The following PTPN13 variants were observed in gnomAD, a reference collection of about 807,000 sequenced individuals.
PTPN13 encodes tyrosine-protein phosphatase non-receptor type 13.
Under a neutral mutation model 284.0 loss-of-function variants are expected in PTPN13, and 191 were observed. The observed-to-expected ratio is 0.67, with a 90% CI of 0.60 to 0.76. PTPN13 has a LOEUF of 0.76. Ranked by LOEUF, PTPN13 falls within the 30% of genes least tolerant of loss-of-function variation. The pLI is 0.00. For synonymous variants in PTPN13, 986 were observed against 1,022.3 expected (o/e 0.96, Z 0.68); for missense variants, 2,797 against 2,939.9 (o/e 0.95, Z 1.12).
chr4:86,636,109 G>A (rs1722987968), intron 2 of PTPN13, among the ~76,000 whole-genome samples: 1 of 152,086 alleles, frequency 6.6e-6, no homozygotes, highest in African/African-American at 2.4e-5. Context: ...ACTTGATCAT[G>A]GCACAGAAAA....
chr4:86,603,359 T>C (rs1764475902), intron 1 of PTPN13, among the ~76,000 whole-genome samples: 1 of 152,190 alleles, frequency 6.6e-6, no homozygotes, highest in African/African-American at 2.4e-5. Flanking sequence ...ATGTACATGT[T>C]CACAGTCTCA....
Position 86,716,642 on chromosome 4 carries a change from A to G in PTPN13, c.1291+17A>G. On this transcript the variant is annotated intron_variant, in intron 8 of 47. Coordinates refer to ENST00000411767, the MANE Select transcript of PTPN13 (RefSeq NM_080683.3). ...TCAGACAAGGTAGGAGGCATCTGAA[A>G]CAAGCAAACTGTTTTTAAGAAACCA... The G allele has an allele frequency of 6.8e-7, 1 of 1,468,380 alleles. No individual in the cohort carries two copies. The highest frequency in any genetic ancestry group is 1.3e-5 in the South Asian group (1 of 79,626). The allele number at this position is 1,468,380 out of a possible 1,614,324, so 91.0% of individuals were successfully genotyped here.
intron 16 of PTPN13, among the ~76,000 whole-genome samples, chr4:86,743,948 A>G (rs1251616168): frequency 6.6e-6 from 1 of 152,188 alleles, no homozygotes; most frequent in African/African-American, 2.4e-5. Context: ...TTAGTCTTAG[A>G]TCCCCGACAT....
intron 2 of PTPN13, among the ~76,000 whole-genome samples, chr4:86,669,844 C>A (rs1385079815): frequency 3.3e-5 from 5 of 152,058 alleles, no homozygotes; most frequent in Non-Finnish European, 7.4e-5. Flanking sequence ...CAGTTACACT[C>A]AAAATCATAA....
intron 40 of PTPN13, among the ~76,000 whole-genome samples, chr4:86,792,576 A>G (rs371729926): frequency 2.0e-5 from 3 of 151,314 alleles, no homozygotes; most frequent in East Asian, 1.9e-4. Context: ...CAAGGGTGCA[A>G]TGAAGGAAAA....
intron 2 of PTPN13, among the ~76,000 whole-genome samples, chr4:86,671,760 G>T (rs1273699740): frequency 3.3e-5 from 5 of 152,132 alleles, no homozygotes; most frequent in Non-Finnish European, 5.9e-5. Context: ...TATATACTTC[G>T]ACTCAAGACA....
intron 2 of PTPN13, among the ~76,000 whole-genome samples, chr4:86,642,449 C>CTTTT (rs1241682151): frequency 2.9e-4 from 8 of 27,460 alleles, no homozygotes; most frequent in African/African-American, 1.0e-3. Context: ...TCTTCTTCTT[C>CTTTT]TTTTTTTTTT....
chr4:86,745,318 A>T (rs2149184078), intron 17 of PTPN13, among the ~76,000 whole-genome samples, 190 bp downstream of exon 17: 1 of 152,228 alleles, frequency 6.6e-6, no homozygotes. Context: ...CTGAGAGAAT[A>T]CTCCTAGGGA....
chr4:86,617,342 A>AT (rs1231386427), intron 1 of PTPN13, among the ~76,000 whole-genome samples: 3 of 152,252 alleles, frequency 2.0e-5, no homozygotes, highest in East Asian at 3.9e-4. Flanking sequence ...CAACTTAATG[A>AT]TTTTTTTACT....
rs758044814 is a variant in PTPN13 at position 86,775,304 on chromosome 4, T to C, written c.5642T>C (p.Leu1881Pro). ...AGAATACCAATGTTGCCTCATTTGCTACCGGACATAACACTAACGTGCAAC... is the reference window on the plus strand; with the variant it reads ...AGAATACCAATGTTGCCTCATTTGCCACCGGACATAACACTAACGTGCAAC... The part of the protein sequence containing the change: ...LPRIPMLPHL[L>P]PDITLTCNKE... The change falls in exon 34 of 48, where the codon CTA (leucine) becomes CCA (proline). Residue 1881 changes from leucine (L) to proline (P), a missense_variant. Coordinates refer to ENST00000411767, the MANE Select transcript of PTPN13 (RefSeq NM_080683.3). 1.9e-5 allele frequency: 30 copies of C among 1,613,110 alleles called. No homozygotes were observed. The highest frequency in any genetic ancestry group is 2.4e-5 in the Non-Finnish European group (28 of 1,179,658).
At chr4:86,613,633 C>CAAAAAAAAA (rs544971012) in intron 1 of PTPN13, among the ~76,000 whole-genome samples, 3 of 61,534 alleles carry the variant, frequency 4.9e-5, no homozygotes, top group African/African-American at 1.7e-4. Context: ...GACTCCGTCT[C>CAAAAAAAAA]AAAAAAAAAA....
intron 9 of PTPN13, among the ~76,000 whole-genome samples, chr4:86,719,869 C>A (rs1335373436): frequency 1.3e-5 from 2 of 151,778 alleles, no homozygotes; most frequent in Admixed American, 6.6e-5. Context: ...GGGTATTAGA[C>A]CTTTGTCAGA....
At chr4:86,665,252 G>A (rs1448410432) in intron 2 of PTPN13, among the ~76,000 whole-genome samples, 3 of 152,034 alleles carry the variant, frequency 2.0e-5, no homozygotes, top group East Asian at 3.8e-4. Flanking sequence ...GTGTTTGTGT[G>A]GCTAATGTCA....
chr4:86,650,223 G>A (rs1192553135), intron 2 of PTPN13, among the ~76,000 whole-genome samples: 1 of 152,196 alleles, frequency 6.6e-6, no homozygotes, highest in East Asian at 1.9e-4. Context: ...CTGACCTTAG[G>A]TAATCTGCCT....
rs753565556 is a variant in PTPN13, at chr4:86,758,760, T to C, written c.3396T>C (p.Ala1132=). Residue 1132 remains alanine, a synonymous_variant, in exon 22 of 48, where the codon GCT becomes GCC. Transcript: ENST00000411767. ...FISSVAPGGP[A]DLDGCLKPGD... is the part of the protein sequence containing the mutation. ...GTTCAGTTGCCCCTGGAGGACCAGC[T>C]GACTTGGATGGATGCTTGAAGCCAG... 2.5e-6 allele frequency: 4 copies of C among 1,613,732 alleles called. No homozygotes were observed. The highest frequency in any genetic ancestry group is 3.4e-6 in the Non-Finnish European group (4 of 1,179,694).
rs751121066 is a variant in PTPN13, at chr4:86,770,112, T to C, written c.4716T>C (p.Ser1572=). The change falls in exon 30 of 48, where the codon TCT becomes TCC. Residue 1572 remains serine (S), a synonymous_variant. Coordinates refer to ENST00000411767, the MANE Select transcript of PTPN13 (RefSeq NM_080683.3). ...CATGGTACCCCCAGGAAGTCATATC[T>C]GCTCTCAGGGGAACTGCTCCAGAAG... ...LKGLSQQEVI[S]ALRGTAPEVF... 1 of 1,613,734 alleles carries C rather than the reference T, an allele frequency of 6.2e-7. No homozygotes were observed. The highest frequency in any genetic ancestry group is 1.1e-5 in the South Asian group (1 of 91,020).
intron 2 of PTPN13, among the ~76,000 whole-genome samples, chr4:86,644,286 C>T (rs1039220914): frequency 6.6e-6 from 1 of 152,028 alleles, no homozygotes; most frequent in Admixed American, 6.6e-5. Context: ...TGTGTGCTAC[C>T]ACGCTCGGCC....
chr4:86,763,096 G>T lies in PTPN13; in HGVS notation c.3923G>T (p.Gly1308Val). The T allele has an allele frequency of 6.2e-7, 1 of 1,612,712 alleles. No homozygotes were observed. The highest frequency in any genetic ancestry group is 8.5e-7 in the Non-Finnish European group (1 of 1,179,772). Residue 1308 changes from glycine to valine, a missense_variant, in exon 24 of 48, where the codon GGC becomes GTC. Gly to Val is a moderately radical substitution (Grantham distance 109, BLOSUM62 -3). Coordinates refer to ENST00000411767, the MANE Select transcript of PTPN13 (RefSeq NM_080683.3). ...AACCAAAGCAAAACTAAAAAGCCAG[G>T]CATTTCTGATGTAACTGATTACTCA... The part of the protein sequence containing the change: ...DSNQSKTKKP[G>V]ISDVTDYSDR...
chr4:86,812,546 G>C (rs1290671054), intron 47 of PTPN13, among the ~76,000 whole-genome samples: 1 of 152,096 alleles, frequency 6.6e-6, no homozygotes, highest in East Asian at 1.9e-4. Flanking sequence ...TTGGGGGTAC[G>C]ATTTTAAACA....
Sources: allele counts gnomAD v4.1 joint callset (sites outside exome capture counted in the v4.1 genomes callset), GRCh38; gene constraint gnomAD v4.1.1; transcripts MANE v1.5; gene names NCBI Gene and HGNC (gene_info 2026-07-23, HGNC 2026-07-21).